FRMD3: variants seen among roughly 807,000 people sequenced by gnomAD.
The protein encoded by FRMD3 is FERM domain-containing protein 3.
FRMD3 carries 33 observed loss-of-function variants against 70.2 expected under a neutral mutation model. That is an observed-to-expected ratio of 0.47 (90% confidence interval 0.36 to 0.63). FRMD3 has a LOEUF of 0.63. Ranked by LOEUF, FRMD3 falls within the 20% of genes least tolerant of loss-of-function variation. The pLI is 0.00. For missense variants in FRMD3, 632 were observed against 711.4 expected, an observed-to-expected ratio of 0.89 and a Z score of 1.27; for synonymous variants, 279 against 255.9, an observed-to-expected ratio of 1.09 and a Z score of -0.86.
At chr9:83,462,555 C>A (rs1828005424) in intron 1 of FRMD3, among the ~76,000 whole-genome samples, 1 of 152,216 alleles carries the variant, frequency 6.6e-6, no homozygotes, top group Non-Finnish European at 1.5e-5. Context: ...GGTACCACCA[C>A]ATCCCTAGTA....
chr9:83,418,571 A>G (rs1826525580), intron 1 of FRMD3, among the ~76,000 whole-genome samples: 1 of 152,226 alleles, frequency 6.6e-6, no homozygotes, highest in Non-Finnish European at 1.5e-5. Flanking sequence ...TAAAACCACA[A>G]TCAGATACCA....
chr9:83,421,672 AACATTCTTGC>A (rs1277579054), intron 1 of FRMD3, among the ~76,000 whole-genome samples: 3 of 152,176 alleles, frequency 2.0e-5, no homozygotes, highest in Admixed American at 1.3e-4. Flanking sequence ...CAGTCAGGTA[AACATTCTTGC>A]CCTCTCCTCC....
chr9:83,386,117 G>C (rs189071712), intron 2 of FRMD3, among the ~76,000 whole-genome samples: 144 of 152,206 alleles, frequency 9.5e-4, no homozygotes, highest in African/African-American at 2.7e-3. Flanking sequence ...ATTGTTATTT[G>C]CTTTATCCAT....
intron 5 of FRMD3, among the ~76,000 whole-genome samples, chr9:83,339,649 T>C (rs2131152639): frequency 6.6e-6 from 1 of 152,300 alleles, no homozygotes; most frequent in African/African-American, 2.4e-5. Context: ...CCATGCTTGC[T>C]AAGTCAGGAG....
chr9:83,490,738 AT>A (rs1166471167), intron 1 of FRMD3, among the ~76,000 whole-genome samples: 1 of 151,598 alleles, frequency 6.6e-6, no homozygotes, highest in Non-Finnish European at 1.5e-5. Flanking sequence ...TAAATAGCTT[AT>A]AAAAAATCCA....
chr9:83,372,718 T>C (rs1021901664), intron 3 of FRMD3, among the ~76,000 whole-genome samples, 195 bp downstream of exon 3: 5 of 151,800 alleles, frequency 3.3e-5, no homozygotes, highest in Non-Finnish European at 7.4e-5. Flanking sequence ...CAGGAGACTA[T>C]AGGATGCTGG....
chr9:83,532,716 A>G (rs961340325), intron 1 of FRMD3, among the ~76,000 whole-genome samples: 1 of 152,198 alleles, frequency 6.6e-6, no homozygotes, highest in East Asian at 1.9e-4. Flanking sequence ...CCAGATGCAT[A>G]TATTCCTAGA....
chr9:83,513,632 T>C (rs565740642), intron 1 of FRMD3, among the ~76,000 whole-genome samples: 2 of 152,278 alleles, frequency 1.3e-5, no homozygotes, highest in South Asian at 4.1e-4. Flanking sequence ...TAATGCCTTA[T>C]CATGAAGTAG....
At chr9:83,515,556 T>A (rs1829436419) in intron 1 of FRMD3, among the ~76,000 whole-genome samples, 1 of 152,140 alleles carries the variant, frequency 6.6e-6, no homozygotes, top group African/African-American at 2.4e-5. Flanking sequence ...CAGGATATTA[T>A]CCAGGAGAAC....
chr9:83,576,535 C>T, the FRMD3 span, among the ~76,000 whole-genome samples: 1 of 152,090 alleles, frequency 6.6e-6, no homozygotes, highest in African/African-American at 2.4e-5. Flanking sequence ...ATTAATTCAT[C>T]ACCCAGGTAT....
At position 83,360,287 on chromosome 9, in the gene FRMD3, C is replaced by T. The variant is rs116323455; in HGVS notation, c.296-10530G>A. Among the ~76,000 whole-genome samples, 463 of 152,282 alleles carry T rather than the reference C, an allele frequency of 3.0e-3. 1 individual carries two copies. Among genetic ancestry groups the T allele is most frequent in the African/African-American group, 0.011 (438 of 41,560 alleles). Reference sequence around the variant, plus strand: ...CAATATGTAGAAATAACAACTGTAACAGAAAAATTCAACTACTTACATAAC... The same window carrying T: ...CAATATGTAGAAATAACAACTGTAATAGAAAAATTCAACTACTTACATAAC... On this transcript the variant is annotated intron_variant, in intron 3 of 13. Coordinates refer to ENST00000304195, the MANE Select transcript of FRMD3 (RefSeq NM_174938.6).
intron 6 of FRMD3, among the ~76,000 whole-genome samples, chr9:83,332,615 C>G (rs1046772704): frequency 6.6e-6 from 1 of 152,136 alleles, no homozygotes; most frequent in Non-Finnish European, 1.5e-5. Flanking sequence ...TGTGAAACCA[C>G]CCCCTCCTGA....
chr9:83,409,970 C>G (rs1025386189), intron 1 of FRMD3, among the ~76,000 whole-genome samples: 1 of 152,180 alleles, frequency 6.6e-6, no homozygotes, highest in Non-Finnish European at 1.5e-5. Flanking sequence ...CATGCATGCC[C>G]AGCCCTCAAT....
At chr9:83,259,189 C>T (rs1018270317) in intron 13 of FRMD3, among the ~76,000 whole-genome samples, 1 of 152,164 alleles carries the variant, frequency 6.6e-6, no homozygotes, top group Admixed American at 6.5e-5. Flanking sequence ...ACACAACTTT[C>T]AAATGTCAGA....
chr9:83,439,957 G>A (rs1283035409), intron 1 of FRMD3, among the ~76,000 whole-genome samples: 7 of 152,146 alleles, frequency 4.6e-5, no homozygotes, highest in Non-Finnish European at 4.4e-5. Flanking sequence ...AATTTTTCAA[G>A]CAGGGAACTG....
chr9:83,470,084 AG>A, intron 1 of FRMD3, among the ~76,000 whole-genome samples: 1 of 152,212 alleles, frequency 6.6e-6, no homozygotes, highest in Non-Finnish European at 1.5e-5. Context: ...GTTTTCCAGA[AG>A]AAACTGATGT....
chr9:83,278,017 A>C (rs758344821), intron 13 of FRMD3, among the ~76,000 whole-genome samples: 22 of 152,354 alleles, frequency 1.4e-4, no homozygotes, highest in Non-Finnish European at 2.2e-4. Context: ...TGAAGAAAAT[A>C]AAACAGGGTG....
At chr9:83,331,990 G>A in intron 6 of FRMD3, 1 of 678,780 alleles carries the variant, frequency 1.5e-6, no homozygotes. Context: ...TTTCCTTGTG[G>A]CTCAACATCT....
chr9:83,544,864 T>C, the FRMD3 span, among the ~76,000 whole-genome samples: 4 of 152,128 alleles, frequency 2.6e-5, no homozygotes, highest in Non-Finnish European at 5.9e-5. Context: ...ACAGTCATCC[T>C]CAAAGAAGAA....
Sources: gnomAD v4.1 joint callset for allele counts (sites outside exome capture counted in the v4.1 genomes callset) on GRCh38, gnomAD v4.1.1 for gene constraint, MANE v1.5 for transcripts, NCBI Gene and HGNC (gene_info 2026-07-23, HGNC 2026-07-21) for gene names.